FAR2: variants seen among roughly 807,000 people sequenced by gnomAD.
FAR2 encodes the protein fatty acyl-CoA reductase 2.
A neutral mutation model predicts 56.0 loss-of-function variants in FAR2; 19 were observed. The observed-to-expected ratio is 0.34, with a 90% CI of 0.24 to 0.50. The LOEUF (loss-of-function observed/expected upper bound fraction) is 0.50. Ranked by LOEUF, FAR2 falls within the 20% of genes least tolerant of loss-of-function variation. FAR2 has a pLI of 0.98. For missense variants in FAR2, 508 were observed against 642.2 expected (o/e 0.79, Z 2.26); for synonymous variants, 219 against 218.8 (o/e 1.00, Z -0.01).
chr12:29,288,845 T>C (rs1948914306), intron 2 of FAR2, among the ~76,000 whole-genome samples: 1 of 152,150 alleles, frequency 6.6e-6, no homozygotes, highest in Non-Finnish European at 1.5e-5. Flanking sequence ...TAAGCAAAAT[T>C]TGAGTCTTTT....
intron 1 of FAR2, among the ~76,000 whole-genome samples, chr12:29,220,940 C>T (rs1947680671): frequency 6.6e-6 from 1 of 152,132 alleles, no homozygotes; most frequent in Admixed American, 6.6e-5. Context: ...GGTCTTGTGT[C>T]CCTTCTCCCC....
At chr12:29,269,171 C>T (rs1182917871) in intron 1 of FAR2, among the ~76,000 whole-genome samples, 1 of 152,080 alleles carries the variant, frequency 6.6e-6, no homozygotes, top group Non-Finnish European at 1.5e-5. Context: ...TCTATTTCAC[C>T]CCTAGAGTCT....
chr12:29,273,240 G>A (rs1188961530), intron 2 of FAR2, among the ~76,000 whole-genome samples: 1 of 152,222 alleles, frequency 6.6e-6, no homozygotes, highest in East Asian at 1.9e-4. Context: ...ACCAGGAGGA[G>A]AGGCTAAGTC....
chr12:29,290,705 T>C (rs1331201709), intron 2 of FAR2, among the ~76,000 whole-genome samples: 1 of 152,142 alleles, frequency 6.6e-6, no homozygotes, highest in Non-Finnish European at 1.5e-5. Context: ...TGCAACAACA[T>C]GGATGGAAAT....
At chr12:29,203,556 C>T (rs34093174) in intron 1 of FAR2, among the ~76,000 whole-genome samples, 278 of 152,298 alleles carry the variant, frequency 1.8e-3, no homozygotes, top group Non-Finnish European at 2.6e-3. Context: ...GGTCATCCAC[C>T]TCTGAGGTGA....
At chr12:29,293,894 C>T (rs901695506) in intron 3 of FAR2, among the ~76,000 whole-genome samples, 11 of 152,060 alleles carry the variant, frequency 7.2e-5, no homozygotes, top group Non-Finnish European at 1.3e-4. Flanking sequence ...TAATTTTTCA[C>T]TATTAACAAC....
At chr12:29,247,722 A>T (rs997872940) in intron 1 of FAR2, among the ~76,000 whole-genome samples, 1 of 152,184 alleles carries the variant, frequency 6.6e-6, no homozygotes, top group Admixed American at 6.5e-5. Flanking sequence ...TTCCAACTTT[A>T]TTTCTAAACT....
intron 2 of FAR2, among the ~76,000 whole-genome samples, chr12:29,272,193 G>A (rs2136709519): frequency 6.6e-6 from 1 of 152,262 alleles, no homozygotes; most frequent in Non-Finnish European, 1.5e-5. Context: ...GCTAGGTTGG[G>A]GAGGTTTTCC....
chr12:29,302,593 T>A (rs769952455), intron 4 of FAR2, among the ~76,000 whole-genome samples: 18 of 152,180 alleles, frequency 1.2e-4, no homozygotes, highest in Non-Finnish European at 2.5e-4. Flanking sequence ...AGATTTTGCA[T>A]ACCATGCAGA....
intron 1 of FAR2, among the ~76,000 whole-genome samples, chr12:29,238,257 A>G (rs1183522463): frequency 6.6e-6 from 1 of 152,126 alleles, no homozygotes; most frequent in African/African-American, 2.4e-5. Flanking sequence ...AGAGCAACAC[A>G]CTGATTACAG....
In FAR2 at chr12:29,330,626, A is replaced by G. The variant is rs375754632; in HGVS notation, c.1258-1974A>G. Among the ~76,000 whole-genome samples the G allele has an allele frequency of 3.9e-5, 6 of 152,344 alleles. No homozygotes were observed. In the East Asian group the frequency reaches 1.2e-3, roughly 29 times the overall value. On this transcript the variant is annotated intron_variant, in intron 10 of 11. Coordinates refer to ENST00000536681, the MANE Select transcript of FAR2 (RefSeq NM_001271783.2). ...AGAACTACTAAATCTTTAAGATGTC[A>G]AATTCAATTACATTCTTTAGAAGTG...
intron 1 of FAR2, among the ~76,000 whole-genome samples, chr12:29,150,608 A>C (rs1949674724): frequency 6.6e-6 from 1 of 152,208 alleles, no homozygotes; most frequent in Non-Finnish European, 1.5e-5. Flanking sequence ...GACTAAATAA[A>C]AACTTAAGGC....
At chr12:29,276,997 ACGGAGTC>A (rs1948711571) in intron 2 of FAR2, among the ~76,000 whole-genome samples, 1 of 152,084 alleles carries the variant, frequency 6.6e-6, no homozygotes, top group Non-Finnish European at 1.5e-5. Context: ...TTATTTTGAG[ACGGAGTC>A]TCACTCTGTC....
chr12:29,175,890 C>A (rs765430775), intron 1 of FAR2, among the ~76,000 whole-genome samples: 25 of 152,320 alleles, frequency 1.6e-4, no homozygotes, highest in Admixed American at 8.5e-4. Flanking sequence ...TTCTTCAAGT[C>A]CCCACTCGAC....
chr12:29,236,354 C>G (rs1267419989), intron 1 of FAR2, among the ~76,000 whole-genome samples: 1 of 152,114 alleles, frequency 6.6e-6, no homozygotes, highest in Non-Finnish European at 1.5e-5. Flanking sequence ...AGAAGGGGAA[C>G]CAGGATGTGG....
intron 2 of FAR2, among the ~76,000 whole-genome samples, chr12:29,278,143 C>A (rs911605118): frequency 6.6e-6 from 1 of 151,830 alleles, no homozygotes; most frequent in Non-Finnish European, 1.5e-5. Context: ...GTTGCTTAGG[C>A]TGGTCTTGAA....
intron 1 of FAR2, among the ~76,000 whole-genome samples, chr12:29,248,970 CT>C (rs1565487557): frequency 6.6e-6 from 1 of 152,124 alleles, no homozygotes; most frequent in Non-Finnish European, 1.5e-5. Context: ...TTATCCTGTT[CT>C]TTTTTCAAGG....
chr12:29,218,930 C>T (rs969680505), intron 1 of FAR2, among the ~76,000 whole-genome samples: 6 of 152,098 alleles, frequency 3.9e-5, no homozygotes, highest in African/African-American at 1.2e-4. Flanking sequence ...CTTGCTCTGT[C>T]GCCCAGGCTG....
Position 29,249,406 on chromosome 12 carries a change from A to G in FAR2, c.-38-21006A>G, listed in dbSNP as rs530645982. Among the ~76,000 whole-genome samples the G allele has an allele frequency of 2.0e-5, 3 of 152,274 alleles. No individual in the cohort carries two copies. In the South Asian group the frequency reaches 6.2e-4, roughly 32 times the overall value. On this transcript the variant is annotated intron_variant, in intron 1 of 11. Transcript: ENST00000536681. The stretch of plus-strand genomic sequence containing the variant: ...TTATCTGTGCATGCATTTACACTAC[A>G]TTTTTCAACATCATTAAATAGCCAT...
Sources: allele counts gnomAD v4.1 joint callset (sites outside exome capture counted in the v4.1 genomes callset), GRCh38; gene constraint gnomAD v4.1.1; transcripts MANE v1.5; gene names NCBI Gene and HGNC (gene_info 2026-07-23, HGNC 2026-07-21).